BLTP1: variants seen among roughly 807,000 people sequenced by gnomAD.
BLTP1 encodes the protein bridge-like lipid transfer protein family member 1.
chr4:122,167,316 A>G, the BLTP1 span, among the ~76,000 whole-genome samples: 1 of 152,076 alleles, frequency 6.6e-6, no homozygotes, highest in Non-Finnish European at 1.5e-5. Flanking sequence ...GGCTCCCATT[A>G]TCCTTAATAT....
chr4:122,291,638 TGTAA>T, the BLTP1 span: 1 of 670,072 alleles, frequency 1.5e-6, no homozygotes, highest in Non-Finnish European at 1.8e-6. Flanking sequence ...TTCAGAAAGA[TGTAA>T]GTAAGCACTG....
At chr4:122,206,595 A>C in the BLTP1 span, among the ~76,000 whole-genome samples, 4 of 152,036 alleles carry the variant, frequency 2.6e-5, no homozygotes, top group East Asian at 7.7e-4. Context: ...TATAACACAA[A>C]AATTTGGAAA....
the BLTP1 span, among the ~76,000 whole-genome samples, chr4:122,162,106 TCTTAAA>T: frequency 2.6e-5 from 4 of 152,244 alleles, no homozygotes; most frequent in Non-Finnish European, 5.9e-5. Flanking sequence ...ATATTCTAAC[TCTTAAA>T]CTTAATACTC....
chr4:122,233,400 T>C, the BLTP1 span, among the ~76,000 whole-genome samples: 3 of 152,190 alleles, frequency 2.0e-5, no homozygotes, highest in Non-Finnish European at 2.9e-5. Context: ...TGTCTGAAGT[T>C]GTAGAGTTAG....
chr4:122,246,227 C>G, the BLTP1 span: 3 of 1,607,646 alleles, frequency 1.9e-6, no homozygotes, highest in Non-Finnish European at 2.5e-6. Flanking sequence ...AGGACAAGCA[C>G]AGACAAATCT....
chr4:122,271,048 G>A, the BLTP1 span: 1 of 1,612,060 alleles, frequency 6.2e-7, no homozygotes, highest in Admixed American at 1.7e-5. Context: ...CTCCACTTGA[G>A]TTCAAACCAG....
chr4:122,337,901 A>G, the BLTP1 span, among the ~76,000 whole-genome samples: 1 of 149,752 alleles, frequency 6.7e-6, no homozygotes, highest in Non-Finnish European at 1.5e-5. Context: ...ATACTATACA[A>G]AATATAGTAC....
At chr4:122,349,126 A>G in the BLTP1 span, 3 of 1,562,424 alleles carry the variant, frequency 1.9e-6, no homozygotes, top group African/African-American at 1.4e-5. The surrounding 1 kb of genome is among the most constrained non-coding windows in gnomAD (Gnocchi z 4.5). Context: ...ACTGGAAGCT[A>G]TATATATAAT....
At chr4:122,237,941 C>T in the BLTP1 span, 1 of 751,750 alleles carries the variant, frequency 1.3e-6, no homozygotes, top group East Asian at 3.2e-5. Context: ...CAAGATCGTG[C>T]CACTGTATTC....
the BLTP1 span, chr4:122,219,616 C>A: frequency 7.4e-7 from 1 of 1,354,916 alleles, no homozygotes; most frequent in Non-Finnish European, 1.1e-6. Context: ...TAACATCCAC[C>A]TGTGTATAGA....
At chr4:122,311,003 C>T in the BLTP1 span, 2 of 555,104 alleles carry the variant, frequency 3.6e-6, no homozygotes, top group South Asian at 1.6e-4. Flanking sequence ...TAAAACATAT[C>T]TTTTGTTTTT....
the BLTP1 span, chr4:122,198,414 T>TA: frequency 1.0e-6 from 1 of 985,378 alleles, no homozygotes; most frequent in Non-Finnish European, 1.2e-6. Context: ...TGATGGGGTA[T>TA]AAAGGCAGTT....
the BLTP1 span, among the ~76,000 whole-genome samples, chr4:122,216,850 T>C: frequency 1.3e-5 from 2 of 152,294 alleles, no homozygotes; most frequent in Middle Eastern, 3.4e-3. Flanking sequence ...AGCCAATGTC[T>C]AGAAGAGTCT....
chr4:122,309,513 C>T, the BLTP1 span: 1 of 1,524,038 alleles, frequency 6.6e-7, no homozygotes, highest in Non-Finnish European at 9.0e-7. Flanking sequence ...AAAAATAAAA[C>T]ATTAAGTCTC....
At chr4:122,210,601 G>A in the BLTP1 span, among the ~76,000 whole-genome samples, 4 of 152,170 alleles carry the variant, frequency 2.6e-5, no homozygotes, top group Non-Finnish European at 4.4e-5. Flanking sequence ...AATTTATATT[G>A]CAGGGACTCA....
the BLTP1 span, chr4:122,246,130 ATTTCAC>A: frequency 1.9e-6 from 3 of 1,541,210 alleles, no homozygotes; most frequent in Non-Finnish European, 2.6e-6. Context: ...TTGTGAAATA[ATTTCAC>A]TTACGATCTT....
At chr4:122,276,471 C>T in the BLTP1 span, 2 of 981,552 alleles carry the variant, frequency 2.0e-6, no homozygotes, top group African/African-American at 3.5e-5. Flanking sequence ...GTTGACTACT[C>T]TGTTAATAGA....
chr4:122,336,959 C>T, the BLTP1 span: 5 of 1,611,766 alleles, frequency 3.1e-6, no homozygotes, highest in South Asian at 4.4e-5. Context: ...TCACTAGTGT[C>T]GTCTTCAACA....
chr4:122,299,044 G>T, the BLTP1 span: 1 of 985,242 alleles, frequency 1.0e-6, no homozygotes, highest in East Asian at 1.1e-4. Flanking sequence ...CTAAGGTACT[G>T]CTTGCTAGGA....
Sources: allele counts gnomAD v4.1 joint callset (sites outside exome capture counted in the v4.1 genomes callset), GRCh38; gene constraint gnomAD v4.1.1; non-coding constraint Gnocchi (gnomAD v3.1); transcripts MANE v1.5; gene names NCBI Gene and HGNC (gene_info 2026-07-23, HGNC 2026-07-21).